The following MYH10 variants were observed in gnomAD, a reference collection of about 807,000 sequenced individuals.
MYH10 encodes the protein myosin heavy chain 10.
In MYH10, 55 loss-of-function variants were observed where a neutral mutation model predicts 257.8. The observed-to-expected ratio is 0.21, with a 90% CI of 0.17 to 0.27. The LOEUF is 0.27. Ranked by LOEUF, MYH10 falls within the 10% of genes least tolerant of loss-of-function variation. The pLI, the probability that MYH10 is intolerant of heterozygous loss-of-function variation, is 1.00. For synonymous variants in MYH10, 854 were observed against 921.7 expected (o/e 0.93, Z 1.33); for missense variants, 1,631 against 2,500.6 (o/e 0.65, Z 7.42).
In MYH10 at chr17:8,475,762, C is replaced by T; in HGVS notation, c.*42G>A. 2 of 1,596,110 alleles carry T rather than the reference C, an allele frequency of 1.3e-6. No homozygotes were observed. Among genetic ancestry groups the T allele is most frequent in the Admixed American group, 1.7e-5 (1 of 57,938 alleles). Reference sequence around the variant, plus strand: ...TCTGCAGGAGGCCCCGGGTGCATTCCTAACTGTCCCACTGTATTGCCTCCT... The same window carrying T: ...TCTGCAGGAGGCCCCGGGTGCATTCTTAACTGTCCCACTGTATTGCCTCCT... On this transcript the variant is annotated 3_prime_UTR_variant, in exon 43 of 43. Coordinates refer to ENST00000360416, the MANE Select transcript of MYH10 (RefSeq NM_001256012.3).
chr17:8,541,944 A>T, intron 14 of MYH10, 163 bp downstream of exon 14: 1 of 663,840 alleles, frequency 1.5e-6, no homozygotes, highest in Non-Finnish European at 2.4e-6. Flanking sequence ...ACTGACTTTT[A>T]AATTCTGTAG....
intron 1 of MYH10, among the ~76,000 whole-genome samples, chr17:8,629,378 T>A (rs1751141791): frequency 1.5e-5 from 1 of 67,248 alleles, no homozygotes; most frequent in African/African-American, 5.9e-5. Flanking sequence ...TCCACCGCAG[T>A]GATCTTGAAG....
At chr17:8,618,994 C>A (rs1597993468) in intron 2 of MYH10, among the ~76,000 whole-genome samples, 1 of 152,010 alleles carries the variant, frequency 6.6e-6, no homozygotes, top group Non-Finnish European at 1.5e-5. Context: ...GTGTGAGTAA[C>A]CATAGTTTAT....
At chr17:8,551,645 T>C (rs748851872) in intron 9 of MYH10, among the ~76,000 whole-genome samples, 4 of 152,210 alleles carry the variant, frequency 2.6e-5, no homozygotes, top group Non-Finnish European at 5.9e-5. Flanking sequence ...AGGCTCTTTC[T>C]AGTACTAGTG....
At chr17:8,479,861 C>T (rs771802004) in intron 40 of MYH10, among the ~76,000 whole-genome samples, 1 of 152,182 alleles carries the variant, frequency 6.6e-6, no homozygotes, top group African/African-American at 2.4e-5. Flanking sequence ...ACTCAGGGTG[C>T]CTAGGAAATC....
Position 8,535,321 on chromosome 17 carries a change from C to A in MYH10, c.1894+66G>T. The A allele has an allele frequency of 8.3e-7, 1 of 1,205,676 alleles. No individual in the cohort carries two copies. The highest frequency in any genetic ancestry group is 1.2e-6 in the Non-Finnish European group (1 of 842,180). 74.7% of individuals were successfully genotyped at this position (1,205,676 alleles called of 1,614,324 possible). On this transcript the variant is annotated intron_variant, in intron 16 of 42. Coordinates refer to ENST00000360416, the MANE Select transcript of MYH10 (RefSeq NM_001256012.3). The surrounding 1 kb of genome is among the most constrained non-coding windows in gnomAD (Gnocchi z 4.3). Reference sequence around the variant, plus strand: ...TGTATCCATATATATGTAAAAGAACCATCTATAAACCTTAATTATAAAAGA... The same window carrying A: ...TGTATCCATATATATGTAAAAGAACAATCTATAAACCTTAATTATAAAAGA...
chr17:8,486,267 T>C (rs539014829), intron 36 of MYH10, among the ~76,000 whole-genome samples: 4 of 152,304 alleles, frequency 2.6e-5, no homozygotes, highest in Admixed American at 6.5e-5. Flanking sequence ...GATGGCTGAA[T>C]AAGCCTATGA....
At chr17:8,538,215 TA>T (rs1284487717) in intron 14 of MYH10, among the ~76,000 whole-genome samples, 1 of 152,210 alleles carries the variant, frequency 6.6e-6, no homozygotes, top group African/African-American at 2.4e-5. Context: ...TTATTATTAT[TA>T]TTTTTTGAGA....
At chr17:8,572,327 ACCTGGTTGTATCC>A (rs2083378225) in intron 6 of MYH10, among the ~76,000 whole-genome samples, 1 of 151,638 alleles carries the variant, frequency 6.6e-6, no homozygotes, top group Non-Finnish European at 1.5e-5. Context: ...GCTTCAAGTA[ACCTGGTTGTATCC>A]CCTGTGCCTA....
At chr17:8,537,894 CTG>C (rs1444859081) in intron 14 of MYH10, among the ~76,000 whole-genome samples, 2 of 151,880 alleles carry the variant, frequency 1.3e-5, no homozygotes, top group African/African-American at 4.8e-5. Flanking sequence ...GCTTAGAAGC[CTG>C]TGTTTCTGAA....
chr17:8,578,185 T>C (rs999812639), intron 4 of MYH10, among the ~76,000 whole-genome samples: 1 of 152,010 alleles, frequency 6.6e-6, no homozygotes, highest in African/African-American at 2.4e-5. Flanking sequence ...GGGTTCCTGA[T>C]GGCAGGGGCT....
chr17:8,575,807 A>C (rs1366299566), intron 6 of MYH10, among the ~76,000 whole-genome samples: 1 of 152,228 alleles, frequency 6.6e-6, no homozygotes, highest in Admixed American at 6.5e-5. Flanking sequence ...TATCCAAGGT[A>C]TCTGGCTCAG....
chr17:8,610,537 T>A (rs1396494469), intron 2 of MYH10, among the ~76,000 whole-genome samples: 16 of 152,204 alleles, frequency 1.1e-4, no homozygotes. Flanking sequence ...CAAAAGCATG[T>A]GCTGGAAATT....
At chr17:8,495,043 C>G in intron 31 of MYH10, 94 bp downstream of exon 31, 1 of 770,636 alleles carries the variant, frequency 1.3e-6, no homozygotes, top group South Asian at 1.6e-5. Flanking sequence ...TAAGAGGTGA[C>G]ACAGAAGGCA....
intron 14 of MYH10, among the ~76,000 whole-genome samples, chr17:8,536,736 T>C (rs998186568): frequency 6.6e-6 from 1 of 150,562 alleles, no homozygotes; most frequent in Non-Finnish European, 1.5e-5. Flanking sequence ...GAGGCAGAGG[T>C]TGCAGTGAGC....
chr17:8,555,270 T>C (rs1442074504), intron 7 of MYH10, among the ~76,000 whole-genome samples: 1 of 152,192 alleles, frequency 6.6e-6, no homozygotes, highest in Non-Finnish European at 1.5e-5. Flanking sequence ...TTGGAGGGCT[T>C]CCTTTGAGGA....
intron 3 of MYH10, among the ~76,000 whole-genome samples, chr17:8,601,233 G>C (rs946496130): frequency 1.3e-5 from 2 of 152,070 alleles, no homozygotes; most frequent in African/African-American, 4.8e-5. Flanking sequence ...GAGGCATCAG[G>C]AACAAAGGAA....
intron 32 of MYH10, among the ~76,000 whole-genome samples, chr17:8,493,325 C>A (rs1389886202): frequency 1.4e-5 from 2 of 147,744 alleles, no homozygotes; most frequent in Non-Finnish European, 3.0e-5. Context: ...GCCTGGGCGA[C>A]AAAGTGAGAC....
intron 21 of MYH10, among the ~76,000 whole-genome samples, chr17:8,515,063 G>T (rs2081421318): frequency 6.6e-6 from 1 of 152,088 alleles, no homozygotes; most frequent in Non-Finnish European, 1.5e-5. Context: ...CAGGGATCAT[G>T]GCCCAGGCAT....
Sources: allele counts gnomAD v4.1 joint callset (sites outside exome capture counted in the v4.1 genomes callset), GRCh38; gene constraint gnomAD v4.1.1; non-coding constraint Gnocchi (gnomAD v3.1); transcripts MANE v1.5; gene names NCBI Gene and HGNC (gene_info 2026-07-23, HGNC 2026-07-21).